Variants in HIVEP2 observed in about 807,000 individuals in gnomAD.
HIVEP2 encodes HIVEP zinc finger 2, also known as transcription factor HIVEP2.
HIVEP2 carries 14 observed loss-of-function variants against 180.7 expected under a neutral mutation model. The observed-to-expected ratio is 0.08, with a 90% CI of 0.05 to 0.12. The LOEUF is 0.12. Among genes scored for constraint, HIVEP2 ranks in the 10% least tolerant of loss-of-function variants. The probability of loss-of-function intolerance (pLI) is 1.00; values close to 1 mark genes in which losing one functional copy is unlikely to be tolerated. For synonymous variants in HIVEP2, 1,184 were observed against 1,136.4 expected, an observed-to-expected ratio of 1.04 and a Z score of -0.84; for missense variants, 2,579 against 3,008.5, an observed-to-expected ratio of 0.86 and a Z score of 3.34.
chr6:142,866,229 C>T lies in HIVEP2; in HGVS notation c.-640-29182G>A, dbSNP rs138705765. Among the ~76,000 whole-genome samples, 14 of 152,234 alleles carry T rather than the reference C, an allele frequency of 9.2e-5. No homozygotes were observed. In the East Asian group the frequency reaches 2.3e-3, roughly 25 times the overall value. On this transcript the variant is annotated intron_variant, in intron 1 of 9. Coordinates refer to ENST00000367603, the MANE Select transcript of HIVEP2 (RefSeq NM_006734.4). Reference sequence around the variant, plus strand: ...GTTATTTAGTTTCCTGCCTCCTTTCCCTCAACTGTAAAATGAGGATAATAT... The same window carrying T: ...GTTATTTAGTTTCCTGCCTCCTTTCTCTCAACTGTAAAATGAGGATAATAT...
chr6:142,802,658 TAAAAGAA>T (rs1776442715), intron 2 of HIVEP2, among the ~76,000 whole-genome samples: 1 of 151,916 alleles, frequency 6.6e-6, no homozygotes, highest in South Asian at 2.1e-4. Context: ...ATGACATTGC[TAAAAGAA>T]AAAAGAAAAG....
chr6:142,788,308 A>T (rs1212798721), intron 2 of HIVEP2: 1 of 39,138 alleles, frequency 2.6e-5, no homozygotes, highest in East Asian at 3.3e-4. Flanking sequence ...AAAGTATAAT[A>T]AAAAAAAATC....
chr6:142,801,230 A>ACCT lies in HIVEP2; in HGVS notation c.-527-17618_-527-17616dup, dbSNP rs141963904. 1.6e-3 allele frequency among the ~76,000 whole-genome samples: 248 copies of ACCT among 150,988 alleles called. 2 individuals are homozygous for ACCT. The highest frequency in any genetic ancestry group is 5.8e-3 in the African/African-American group (239 of 41,070). ...AAAAAAACGAGGGAATACACACAATACCTTCAGTTAAGAGGTACTATGATA... is the reference window on the plus strand; with the variant it reads ...AAAAAAACGAGGGAATACACACAATACCTCCTTCAGTTAAGAGGTACTATGATA... On this transcript the variant is annotated intron_variant, in intron 2 of 9. Transcript: ENST00000367603.
intron 1 of HIVEP2, among the ~76,000 whole-genome samples, chr6:142,918,733 A>T (rs6570534): frequency 0.015 from 2,240 of 152,340 alleles, 58 homozygotes; most frequent in African/African-American, 0.052. Flanking sequence ...TTTTGAAGAC[A>T]AGGTGAAATA....
intron 2 of HIVEP2, among the ~76,000 whole-genome samples, chr6:142,811,883 C>T (rs1776708648): frequency 1.3e-5 from 2 of 152,294 alleles, no homozygotes; most frequent in East Asian, 3.9e-4. Flanking sequence ...CCAGATTTAC[C>T]CTCCTGCCTG....
At position 142,771,536 on chromosome 6, in the gene HIVEP2, G is replaced by A. The variant is rs187442388; in HGVS notation, c.3203C>T (p.Thr1068Met). The A allele has an allele frequency of 3.0e-5, 48 of 1,613,850 alleles. No homozygotes were observed. Among genetic ancestry groups the A allele is most frequent in the Admixed American group, 2.8e-4 (17 of 60,026 alleles). ...CTTCCTCTCCCTGGACGGTGATACCGTGGAGGCTGCTGCTCCCGACACAGG... is the reference window on the plus strand; with the variant it reads ...CTTCCTCTCCCTGGACGGTGATACCATGGAGGCTGCTGCTCCCGACACAGG... ...HAPVSGAAAS[T>M]VSPSRERKKC... Residue 1068 changes from threonine to methionine, a missense_variant, in exon 5 of 10, where the codon ACG becomes ATG. Coordinates refer to ENST00000367603, the MANE Select transcript of HIVEP2 (RefSeq NM_006734.4). The surrounding 1 kb of genome is among the most constrained non-coding windows in gnomAD (Gnocchi z 5.4).
At chr6:142,830,456 T>C (rs1206858525) in intron 2 of HIVEP2, among the ~76,000 whole-genome samples, 2 of 152,142 alleles carry the variant, frequency 1.3e-5, no homozygotes, top group Non-Finnish European at 2.9e-5. Flanking sequence ...CTGAGAGTAC[T>C]CTGACACATA....
intron 1 of HIVEP2, among the ~76,000 whole-genome samples, chr6:142,879,339 T>C (rs1776524423): frequency 6.6e-6 from 1 of 152,298 alleles, no homozygotes. Flanking sequence ...AATCTTTCTA[T>C]GGTAGTGGCA....
chr6:142,766,802 C>A (rs1217055011), intron 6 of HIVEP2, among the ~76,000 whole-genome samples: 2 of 152,118 alleles, frequency 1.3e-5, no homozygotes, highest in Non-Finnish European at 2.9e-5. Flanking sequence ...CTGTGTTTAA[C>A]TAAATTATTG....
At chr6:142,945,520 G>A (rs529012786), upstream of HIVEP2, among the ~76,000 whole-genome samples, 53 of 152,186 alleles carry the variant, frequency 3.5e-4, no homozygotes, top group Middle Eastern at 3.4e-3. This position sits in a 1 kb window ranked among gnomAD's most constrained non-coding sequence, Gnocchi z 5.5. Context: ...GATTCCCGCC[G>A]CTCCGCTCTC....
intron 1 of HIVEP2, among the ~76,000 whole-genome samples, chr6:142,855,021 G>C (rs1244588538): frequency 1.3e-5 from 2 of 152,186 alleles, no homozygotes; most frequent in East Asian, 3.8e-4. Flanking sequence ...GTTTGGCTTA[G>C]TCATCTGCAA....
chr6:142,841,185 G>A (rs1290818883), intron 1 of HIVEP2, among the ~76,000 whole-genome samples: 1 of 151,874 alleles, frequency 6.6e-6, no homozygotes, highest in Non-Finnish European at 1.5e-5. Context: ...CATATATTTA[G>A]ATCCATAGCA....
chr6:142,771,202 T>G lies in HIVEP2; in HGVS notation c.3537A>C (p.Thr1179=). The change falls in exon 5 of 10, where the codon ACA becomes ACC. Residue 1179 remains threonine (T), a synonymous_variant. Coordinates refer to ENST00000367603, the MANE Select transcript of HIVEP2 (RefSeq NM_006734.4). The surrounding 1 kb of genome is among the most constrained non-coding windows in gnomAD (Gnocchi z 5.4). The stretch of plus-strand genomic sequence containing the variant: ...GTGGCTGTTCAGGTAAGTGCTTGCT[T>G]GTCATATAGGATGTTGGTTGGATCA... ...NPLIQPTSYM[T]SKHLPEQPHL... is the part of the protein sequence containing the mutation. 1 of 1,614,220 alleles carries G rather than the reference T, an allele frequency of 6.2e-7. No homozygotes were observed. Among genetic ancestry groups the G allele is most frequent in the Non-Finnish European group, 8.5e-7 (1 of 1,180,040 alleles).
At chr6:142,844,960 C>T (rs1775470660) in intron 1 of HIVEP2, among the ~76,000 whole-genome samples, 1 of 152,236 alleles carries the variant, frequency 6.6e-6, no homozygotes, top group African/African-American at 2.4e-5. Flanking sequence ...CAAATCTCTT[C>T]CCCTTTCTAT....
intron 2 of HIVEP2, among the ~76,000 whole-genome samples, chr6:142,809,436 G>A (rs971657075): frequency 3.9e-5 from 6 of 152,110 alleles, no homozygotes; most frequent in Non-Finnish European, 8.8e-5. Flanking sequence ...CTGCCCCCGT[G>A]TCTCTCTTCA....
intron 2 of HIVEP2, among the ~76,000 whole-genome samples, chr6:142,820,906 T>C (rs1437069962): frequency 6.6e-6 from 1 of 152,158 alleles, no homozygotes; most frequent in Admixed American, 6.6e-5. Flanking sequence ...TGCAGACTTT[T>C]AACTAGTTGG....
chr6:142,785,147 C>T (rs1341147092), intron 2 of HIVEP2, among the ~76,000 whole-genome samples: 3 of 151,712 alleles, frequency 2.0e-5, no homozygotes, highest in Non-Finnish European at 4.4e-5. Flanking sequence ...CCTTGGCCTC[C>T]CAAAGTGCCG....
At chr6:142,883,519 C>T (rs1308514293) in intron 1 of HIVEP2, among the ~76,000 whole-genome samples, 1 of 152,114 alleles carries the variant, frequency 6.6e-6, no homozygotes, top group Non-Finnish European at 1.5e-5. Context: ...TACATGTTTA[C>T]TTCTGCCCTC....
At chr6:142,766,840 CAA>C (rs1775390613) in intron 6 of HIVEP2, among the ~76,000 whole-genome samples, 1 of 152,100 alleles carries the variant, frequency 6.6e-6, no homozygotes, top group African/African-American at 2.4e-5. Context: ...ATCAGTTAGA[CAA>C]TATACACTTA....
Sources: gnomAD v4.1 joint callset for allele counts (sites outside exome capture counted in the v4.1 genomes callset) on GRCh38, gnomAD v4.1.1 for gene constraint, Gnocchi (gnomAD v3.1) non-coding constraint, MANE v1.5 for transcripts, NCBI Gene and HGNC (gene_info 2026-07-23, HGNC 2026-07-21) for gene names.